Variants in KCNB2 observed in about 807,000 individuals in gnomAD.
KCNB2 encodes potassium voltage-gated channel subfamily B member 2.
Under a neutral mutation model 61.5 loss-of-function variants are expected in KCNB2, and 15 were observed. That is an observed-to-expected ratio of 0.24 (90% CI 0.16 to 0.38). KCNB2 has a LOEUF of 0.38. Among genes scored for constraint, KCNB2 ranks in the 10% least tolerant of loss-of-function variants. KCNB2 has a pLI of 1.00. For synonymous variants in KCNB2, 457 were observed against 446.0 expected (o/e 1.02, Z -0.31); for missense variants, 828 against 1,125.2 (o/e 0.74, Z 3.78).
chr8:72,895,021 C>T (rs553652863), intron 2 of KCNB2, among the ~76,000 whole-genome samples: 1 of 152,134 alleles, frequency 6.6e-6, no homozygotes, highest in East Asian at 1.9e-4. Context: ...CCCCTAAGGC[C>T]CTTAGAAAAT....
In KCNB2 at chr8:72,752,437, G is replaced by A. The variant is rs574493571; in HGVS notation, c.580-183498G>A. ...GTGGGCATCATTTAACCTATTGAGGGTCTGAATAGAACAATATGCAGAGGA... is the reference window on the plus strand; with the variant it reads ...GTGGGCATCATTTAACCTATTGAGGATCTGAATAGAACAATATGCAGAGGA... On this transcript the variant is annotated intron_variant, in intron 2 of 2. Transcript: ENST00000523207. Among the ~76,000 whole-genome samples, 11 of 152,256 alleles carry A rather than the reference G, an allele frequency of 7.2e-5. No homozygotes were observed. The East Asian group carries it at 2.1e-3, about 29-fold the overall frequency.
rs373156197 is a variant in KCNB2, at chr8:72,937,987, A to G, written c.2632A>G (p.Ser878Gly). Residue 878 changes from serine (S) to glycine (G), a missense_variant, in exon 3 of 3, where the codon AGT becomes GGT. Ser to Gly is a moderately conservative substitution (Grantham distance 56). Transcript: ENST00000523207. ...YHAVSEVKKD[S>G]SQEGCKMENH... ...TGCTGTGAGTGAAGTCAAAAAGGAC[A>G]GTAGTCAAGAAGGGTGCAAGATGGA... The G allele has an allele frequency of 5.6e-6, 9 of 1,614,050 alleles. No individual in the cohort carries two copies. The highest frequency in any genetic ancestry group is 4.0e-5 in the African/African-American group (3 of 74,918).
At chr8:72,627,391 A>G (rs997416807) in intron 2 of KCNB2, among the ~76,000 whole-genome samples, 4 of 152,232 alleles carry the variant, frequency 2.6e-5, no homozygotes, top group African/African-American at 7.2e-5. Flanking sequence ...CATATTTTCT[A>G]TCATAGACAA....
intron 2 of KCNB2, among the ~76,000 whole-genome samples, chr8:72,695,958 G>A (rs1807011089): frequency 6.6e-6 from 1 of 152,228 alleles, no homozygotes; most frequent in Admixed American, 6.5e-5. Context: ...AACAGAGATA[G>A]AATATAGATT....
intron 1 of KCNB2, among the ~76,000 whole-genome samples, chr8:72,546,162 C>T (rs1268725766): frequency 6.9e-6 from 1 of 144,038 alleles, no homozygotes. Context: ...AAGAAAAGTT[C>T]AAAGCTAGCA....
chr8:72,913,974 T>C (rs1806346901), intron 2 of KCNB2, among the ~76,000 whole-genome samples: 1 of 152,206 alleles, frequency 6.6e-6, no homozygotes, highest in East Asian at 1.9e-4. Context: ...GGATGTGTCT[T>C]AGTACATTCA....
chr8:72,558,294 A>G (rs549762111), intron 1 of KCNB2, among the ~76,000 whole-genome samples: 27 of 152,356 alleles, frequency 1.8e-4, no homozygotes, highest in Admixed American at 5.9e-4. Context: ...AAGCTGCACC[A>G]TGTCAGAGAC....
chr8:72,543,002 A>G (rs191070503), intron 1 of KCNB2, among the ~76,000 whole-genome samples: 1 of 152,334 alleles, frequency 6.6e-6, no homozygotes, highest in Admixed American at 6.5e-5. Flanking sequence ...TCAACGGAGT[A>G]GTTGTATGAC....
intron 2 of KCNB2, among the ~76,000 whole-genome samples, chr8:72,687,949 T>C (rs966099154): frequency 6.6e-6 from 1 of 152,142 alleles, no homozygotes; most frequent in African/African-American, 2.4e-5. Flanking sequence ...GTTTGGGCTA[T>C]GGAGCACAGT....
intron 2 of KCNB2, among the ~76,000 whole-genome samples, chr8:72,674,889 C>G (rs1031640682): frequency 6.6e-6 from 1 of 151,732 alleles, no homozygotes; most frequent in Non-Finnish European, 1.5e-5. Flanking sequence ...GTGATACCAA[C>G]TATATAGTGA....
intron 2 of KCNB2, among the ~76,000 whole-genome samples, chr8:72,575,534 A>G (rs888514310): frequency 1.3e-5 from 2 of 152,148 alleles, no homozygotes; most frequent in Non-Finnish European, 2.9e-5. Context: ...TTGTTAAGGA[A>G]TGTTGAATTA....
chr8:72,559,479 G>A (rs966877104), intron 1 of KCNB2, among the ~76,000 whole-genome samples: 4 of 152,104 alleles, frequency 2.6e-5, no homozygotes, highest in East Asian at 1.9e-4. Context: ...CCAGGAAGCC[G>A]TGAGAGCATC....
intron 2 of KCNB2, among the ~76,000 whole-genome samples, chr8:72,587,493 G>A (rs1303704696): frequency 6.6e-6 from 1 of 152,186 alleles, no homozygotes; most frequent in Non-Finnish European, 1.5e-5. Context: ...GGAGGCCAAG[G>A]CAGGAGCATC....
intron 2 of KCNB2, among the ~76,000 whole-genome samples, chr8:72,659,970 C>T (rs1179001771): frequency 6.6e-6 from 1 of 152,120 alleles, no homozygotes; most frequent in African/African-American, 2.4e-5. Context: ...GCAATGTCTC[C>T]AAGGTATCCC....
At chr8:72,792,625 T>C (rs1251222841) in intron 2 of KCNB2, among the ~76,000 whole-genome samples, 5 of 152,320 alleles carry the variant, frequency 3.3e-5, no homozygotes, top group Non-Finnish European at 7.3e-5. Flanking sequence ...ACTCAGATAT[T>C]CTATTTTAAT....
intron 2 of KCNB2, among the ~76,000 whole-genome samples, chr8:72,763,247 G>A (rs1469721836): frequency 6.6e-6 from 1 of 151,924 alleles, no homozygotes; most frequent in African/African-American, 2.4e-5. Context: ...CGCACCACTT[G>A]GGTATTTCAC....
chr8:72,649,597 A>C (rs1806183308), intron 2 of KCNB2, among the ~76,000 whole-genome samples: 1 of 152,140 alleles, frequency 6.6e-6, no homozygotes, highest in African/African-American at 2.4e-5. Context: ...AAATAAAATA[A>C]AAGCTAATCT....
chr8:72,638,636 C>T (rs1806006394), intron 2 of KCNB2, among the ~76,000 whole-genome samples: 1 of 152,126 alleles, frequency 6.6e-6, no homozygotes, highest in South Asian at 2.1e-4. Flanking sequence ...ACAAAAATCA[C>T]ACAAGCCGGC....
chr8:72,925,314 T>G (rs1395367550), intron 2 of KCNB2, among the ~76,000 whole-genome samples: 1 of 152,148 alleles, frequency 6.6e-6, no homozygotes, highest in Non-Finnish European at 1.5e-5. Flanking sequence ...AAATTGGAAG[T>G]TGGAGTGGCA....
Sources: gnomAD v4.1 joint callset for allele counts (sites outside exome capture counted in the v4.1 genomes callset) on GRCh38, gnomAD v4.1.1 for gene constraint, MANE v1.5 for transcripts, NCBI Gene and HGNC (gene_info 2026-07-23, HGNC 2026-07-21) for gene names.